F8: variants seen among roughly 807,000 people sequenced by gnomAD.
F8 encodes the protein antihemophilic factor.
A neutral mutation model predicts 140.6 loss-of-function variants in F8; 12 were observed. That is an observed-to-expected ratio of 0.09 (90% CI 0.05 to 0.14). The LOEUF (loss-of-function observed/expected upper bound fraction) is 0.14. Among genes scored for constraint, F8 ranks in the 10% least tolerant of loss-of-function variants. The probability of loss-of-function intolerance (pLI) is 1.00; values close to 1 mark genes in which losing one functional copy is unlikely to be tolerated. For synonymous variants in F8, 585 were observed against 614.6 expected (o/e 0.95, Z 0.71); for missense variants, 1,354 against 1,720.7 (o/e 0.79, Z 3.77).
chrX:154,931,078 C>T lies in F8; in HGVS notation c.2712G>A (p.Leu904=). ...AATTGTCTGATGGAATTGTTGAAATCAGATTATTTGATGTACTAGAAACTT... is the reference window on the plus strand; with the variant it reads ...AATTGTCTGATGGAATTGTTGAAATTAGATTATTTGATGTACTAGAAACTT... ...DFKVSSTSNN[L]ISTIPSDNLA... Residue 904 remains leucine, a synonymous_variant, in exon 14 of 26, where the codon CTG becomes CTA. Coordinates refer to ENST00000360256, the MANE Select transcript of F8 (RefSeq NM_000132.4). 1 of 1,202,642 alleles carries T rather than the reference C, an allele frequency of 8.3e-7. No individual in the cohort carries two copies. The highest frequency in any genetic ancestry group is 1.8e-5 in the South Asian group (1 of 55,015).
At chrX:154,931,750 C>T in intron 13 of F8, 74 bp from the exon 14 acceptor site, 1 of 902,792 alleles carries the variant, frequency 1.1e-6, no homozygotes, top group Non-Finnish European at 1.6e-6. Context: ...AGGTTCTCTC[C>T]CATTCCCAGA....
At chrX:154,972,707 C>CTTTTTTTTTTT (rs1184930129) in intron 6 of F8, among the ~76,000 whole-genome samples, 19 of 55,281 alleles carry the variant, frequency 3.4e-4, no homozygotes, top group African/African-American at 1.2e-3. Flanking sequence ...TTCTGTCTTT[C>CTTTTTTTTTTT]TTTTTTTTTT....
intron 24 of F8, among the ~76,000 whole-genome samples, chrX:154,861,010 C>CCTTT (rs1379063862): frequency 9.0e-6 from 1 of 110,521 alleles, no homozygotes; most frequent in Non-Finnish European, 1.9e-5. Flanking sequence ...TTCCTTCCTT[C>CCTTT]CTTTCTTTCT....
intron 14 of F8, among the ~76,000 whole-genome samples, chrX:154,916,444 G>A (rs931609484): frequency 9.0e-5 from 10 of 111,701 alleles, no homozygotes; most frequent in Non-Finnish European, 1.9e-4. Flanking sequence ...TTTATTTAAT[G>A]CCAGACTTTT....
chrX:154,959,680 C>T (rs184029090), intron 10 of F8, among the ~76,000 whole-genome samples: 1 of 111,447 alleles, frequency 9.0e-6, no homozygotes, highest in Admixed American at 9.6e-5. Flanking sequence ...CTATTTCCCC[C>T]TCCCCTTCCC....
At chrX:154,955,721 T>C in intron 11 of F8, among the ~76,000 whole-genome samples, 1 of 110,894 alleles carries the variant, frequency 9.0e-6, no homozygotes, top group Non-Finnish European at 1.9e-5. Context: ...GAATAGGGTG[T>C]GGGTCACAAA....
At chrX:155,005,567 C>T (rs1282688708) in intron 1 of F8, among the ~76,000 whole-genome samples, 2 of 111,398 alleles carry the variant, frequency 1.8e-5, no homozygotes, top group Non-Finnish European at 3.8e-5. Context: ...TCTTTTGTTT[C>T]CCCAGGAAAG....
intron 7 of F8, among the ~76,000 whole-genome samples, chrX:154,968,861 G>A (rs1325973556): frequency 9.1e-6 from 1 of 109,881 alleles, no homozygotes; most frequent in African/African-American, 3.3e-5. Flanking sequence ...GCTATTTACT[G>A]CTCTGGGCAT....
chrX:154,863,742 A>G (rs2072711820), intron 22 of F8, among the ~76,000 whole-genome samples: 1 of 111,783 alleles, frequency 8.9e-6, no homozygotes, highest in African/African-American at 3.3e-5. Context: ...CTCAAGAACA[A>G]AGATGAATAC....
chrX:154,901,823 T>G (rs1181442322), intron 19 of F8, among the ~76,000 whole-genome samples: 1 of 112,019 alleles, frequency 8.9e-6, no homozygotes, highest in East Asian at 2.8e-4. Flanking sequence ...GGTGGTATTT[T>G]TTTTTTGTCA....
intron 25 of F8, among the ~76,000 whole-genome samples, chrX:154,846,695 T>G (rs1557271773): frequency 8.9e-6 from 1 of 111,757 alleles, no homozygotes; most frequent in Non-Finnish European, 1.9e-5. Flanking sequence ...GTGAGATGGG[T>G]CTCCTGAATA....
chrX:155,012,678 T>C (rs1180072937), intron 1 of F8, among the ~76,000 whole-genome samples: 4 of 109,569 alleles, frequency 3.7e-5, no homozygotes, highest in Non-Finnish European at 7.6e-5. Flanking sequence ...AATAGCCCTT[T>C]ACCTATTAAA....
intron 3 of F8, among the ~76,000 whole-genome samples, chrX:154,995,262 A>G (rs190602805): frequency 1.6e-3 from 180 of 112,078 alleles, no homozygotes; most frequent in Non-Finnish European, 1.8e-3. Flanking sequence ...TGGAGGTTCA[A>G]TGAGAGGCTA....
intron 12 of F8, among the ~76,000 whole-genome samples, chrX:154,952,894 C>A (rs1269669926): frequency 9.0e-6 from 1 of 111,698 alleles, no homozygotes; most frequent in Non-Finnish European, 1.9e-5. Flanking sequence ...ATGTGGCTCA[C>A]TCCATCTTAA....
Position 154,987,252 on chromosome X carries a change from C to T in F8, c.655G>A (p.Ala219Thr), listed in dbSNP as rs2073563836. The T allele has an allele frequency of 1.7e-6, 2 of 1,209,876 alleles. No homozygotes were observed. Among genetic ancestry groups the T allele is most frequent in the Non-Finnish European group, 2.2e-6 (2 of 893,970 alleles). Residue 219 changes from alanine (A) to threonine (T), a missense_variant, in exon 5 of 26, where the codon GCT becomes ACT. By Grantham distance (58) the Ala-to-Thr change is moderately conservative. Coordinates refer to ENST00000360256, the MANE Select transcript of F8 (RefSeq NM_000132.4). ...ACTCACTAACCTTCATCAAATACAGCAAAAAGTAGTATAAATTTGTGCAAG... is the reference window on the plus strand; with the variant it reads ...ACTCACTAACCTTCATCAAATACAGTAAAAAGTAGTATAAATTTGTGCAAG... Reference protein sequence around the residue: ...QTLHKFILLFAVFDEGKSWHS... With the variant: ...QTLHKFILLFTVFDEGKSWHS...
At chrX:154,956,451 G>T (rs1051317109) in intron 11 of F8, among the ~76,000 whole-genome samples, 1 of 112,122 alleles carries the variant, frequency 8.9e-6, no homozygotes, top group Non-Finnish European at 1.9e-5. Flanking sequence ...GTAAAGACAG[G>T]CGTAAGAAAT....
intron 14 of F8, chrX:154,919,762 G>A: frequency 3.1e-6 from 1 of 319,446 alleles, no homozygotes. Flanking sequence ...ACAATATTTA[G>A]CAACTACCAC....
intron 22 of F8, among the ~76,000 whole-genome samples, chrX:154,881,711 A>G (rs1443505201): frequency 1.8e-5 from 2 of 109,494 alleles, no homozygotes; most frequent in Admixed American, 1.9e-4. Context: ...AACTTCTTCA[A>G]CCTGATAGAG....
At chrX:155,020,610 G>C (rs892702057) in intron 1 of F8, among the ~76,000 whole-genome samples, 9 of 112,281 alleles carry the variant, frequency 8.0e-5, no homozygotes, top group African/African-American at 2.9e-4. Flanking sequence ...ACATGACAAA[G>C]AGTTAATATT....
Sources: allele counts gnomAD v4.1 joint callset (sites outside exome capture counted in the v4.1 genomes callset), GRCh38; gene constraint gnomAD v4.1.1; transcripts MANE v1.5; gene names NCBI Gene and HGNC (gene_info 2026-07-23, HGNC 2026-07-21).